Variants in RASGRP3 observed in about 807,000 individuals in gnomAD.
The protein encoded by RASGRP3 is RAS guanyl releasing protein 3.
RASGRP3 carries 54 observed loss-of-function variants against 82.7 expected under a neutral mutation model. The observed-to-expected ratio is 0.65, with a 90% CI of 0.52 to 0.82. The LOEUF is 0.82. Ranked by LOEUF, RASGRP3 falls within the 40% of genes least tolerant of loss-of-function variation. The pLI is 0.00. For synonymous variants in RASGRP3, 309 were observed against 300.5 expected (o/e 1.03, Z -0.29); for missense variants, 861 against 828.9 (o/e 1.04, Z -0.48).
intron 13 of RASGRP3, among the ~76,000 whole-genome samples, chr2:33,545,968 A>G (rs1674696359): frequency 6.7e-6 from 1 of 148,310 alleles, no homozygotes; most frequent in Non-Finnish European, 1.5e-5. Context: ...ACGCCAGGCA[A>G]TTTTTTTTTT....
intron 13 of RASGRP3, among the ~76,000 whole-genome samples, chr2:33,544,784 C>T (rs1674583093): frequency 1.3e-5 from 2 of 152,068 alleles, no homozygotes; most frequent in African/African-American, 4.8e-5. Flanking sequence ...TATTTGAAGA[C>T]AGGAGTTTGA....
intron 10 of RASGRP3, among the ~76,000 whole-genome samples, chr2:33,528,737 C>T (rs1672812896): frequency 6.6e-6 from 1 of 152,152 alleles, no homozygotes; most frequent in Non-Finnish European, 1.5e-5. Flanking sequence ...GGCAATAATG[C>T]AGCTATACCC....
At chr2:33,471,868 T>A (rs956366368), upstream of RASGRP3, among the ~76,000 whole-genome samples, 1 of 148,516 alleles carries the variant, frequency 6.7e-6, no homozygotes, top group Non-Finnish European at 1.5e-5. Flanking sequence ...ATTCTGTAAT[T>A]GTGTTTTTAA....
intron 14 of RASGRP3, among the ~76,000 whole-genome samples, chr2:33,551,899 A>G (rs1325354884): frequency 1.3e-5 from 2 of 152,176 alleles, no homozygotes; most frequent in East Asian, 3.8e-4. Flanking sequence ...AGGCTGAGGC[A>G]GGAGAATGGC....
intron 5 of RASGRP3, 60 bp downstream of exon 5, chr2:33,520,074 T>G: frequency 7.3e-7 from 1 of 1,363,452 alleles, no homozygotes; most frequent in South Asian, 1.3e-5. Context: ...GTGGACAATT[T>G]CCTTTTCCCC....
chr2:33,549,537 A>G lies in RASGRP3; in HGVS notation c.1395-67A>G, dbSNP rs556202272. 3.2e-4 allele frequency: 465 copies of G among 1,464,306 alleles called. 5 individuals carry two copies. The South Asian group carries it at 5.4e-3, about 17-fold the overall frequency. The allele number at this position is 1,464,306 out of a possible 1,614,324, so 90.7% of individuals were successfully genotyped here. ...ACAAAGGTTTGGGAGGTGGGTGATT[A>G]AAGTGTGGCAACTACTTAGCAACCT... On this transcript the variant is annotated intron_variant, in intron 13 of 17. Coordinates refer to ENST00000403687, the MANE Select transcript of RASGRP3 (RefSeq NM_001139488.2).
Position 33,519,961 on chromosome 2 carries a change from T to G in RASGRP3, c.183T>G (p.Asn61Lys). The change falls in exon 5 of 18, where the codon AAT becomes AAG. Residue 61 changes from asparagine (N) to lysine (K), a missense_variant. Transcript: ENST00000403687. ...TCTTTAACTGGTTTACGTATCGAAA[T>G]GCCACTGGAGAAAGCTGCAATGAAT... Reference protein sequence around the residue: ...LAEKLLCMYRNATGESCNEFR... With the variant: ...LAEKLLCMYRKATGESCNEFR... The G allele has an allele frequency of 6.2e-7, 1 of 1,609,982 alleles. No individual in the cohort carries two copies. Among genetic ancestry groups the G allele is most frequent in the Non-Finnish European group, 8.5e-7 (1 of 1,178,044 alleles).
At chr2:33,500,304 G>A (rs574413066) in intron 1 of RASGRP3, among the ~76,000 whole-genome samples, 2 of 152,072 alleles carry the variant, frequency 1.3e-5, no homozygotes, top group African/African-American at 4.8e-5. Flanking sequence ...CAGGAGTTCC[G>A]CAATCAATCT....
intron 1 of RASGRP3, among the ~76,000 whole-genome samples, chr2:33,479,127 C>A (rs536191614): frequency 2.5e-4 from 38 of 152,168 alleles, no homozygotes; most frequent in Non-Finnish European, 4.4e-4. Flanking sequence ...GAGAGTATTT[C>A]CAGCACAATA....
intron 10 of RASGRP3, 75 bp downstream of exon 10, chr2:33,527,487 G>A: frequency 2.2e-5 from 32 of 1,434,590 alleles, no homozygotes; most frequent in Non-Finnish European, 2.9e-5. Context: ...AGGAAGATGT[G>A]TGCCAGCAAT....
chr2:33,450,988 C>A (rs957973165), intron 2 of RASGRP3, among the ~76,000 whole-genome samples: 4 of 151,244 alleles, frequency 2.6e-5, no homozygotes, highest in African/African-American at 9.7e-5. Flanking sequence ...CAGGTGCCTG[C>A]CACCACGCCT....
intron 14 of RASGRP3, among the ~76,000 whole-genome samples, chr2:33,553,877 T>G (rs906921048): frequency 1.3e-5 from 2 of 152,186 alleles, no homozygotes; most frequent in South Asian, 2.1e-4. Flanking sequence ...TAGCTGGGAC[T>G]ATAGGCACAC....
intron 11 of RASGRP3, among the ~76,000 whole-genome samples, chr2:33,536,949 G>C (rs1188130546): frequency 1.3e-5 from 2 of 152,168 alleles, no homozygotes; most frequent in African/African-American, 4.8e-5. Flanking sequence ...GCTGTCCATG[G>C]ATGGCTAAGT....
rs573022728 is a variant in RASGRP3 at position 33,556,231 on chromosome 2, C to CTTTTT, written c.1579+687_1579+691dup. ...CAGTTTATATGGTTCTTCTAATAAT[C>CTTTTT]TTTTTTTTTTTTTTTTTTTTTTTTT... On this transcript the variant is annotated intron_variant, in intron 15 of 17. Coordinates refer to ENST00000403687, the MANE Select transcript of RASGRP3 (RefSeq NM_001139488.2). Among the ~76,000 whole-genome samples, 99 of 57,498 alleles carry CTTTTT rather than the reference C, an allele frequency of 1.7e-3. 17 individuals carry two copies. The highest frequency in any genetic ancestry group is 2.4e-3 in the Non-Finnish European group (84 of 35,342). 37.7% of individuals were successfully genotyped at this position (57,498 alleles called of 152,430 possible).
At chr2:33,476,398 G>A (rs1322122593), upstream of RASGRP3, 2 of 152,196 alleles carry the variant, frequency 1.3e-5, no homozygotes, top group East Asian at 1.9e-4. Flanking sequence ...CTGCCCTTCA[G>A]TGTGACTTAT....
Position 33,527,260 on chromosome 2 carries a change from G to T in RASGRP3, c.931G>T (p.Ala311Ser), listed in dbSNP as rs762437399. The T allele has an allele frequency of 2.5e-6, 4 of 1,614,014 alleles. No homozygotes were observed. In the South Asian group the frequency reaches 3.3e-5, roughly 13 times the overall value. The change falls in exon 10 of 18, where the codon GCT becomes TCT. Residue 311 changes from alanine to serine, a missense_variant. Ala to Ser is a moderately conservative substitution (Grantham distance 99, BLOSUM62 1). Coordinates refer to ENST00000403687, the MANE Select transcript of RASGRP3 (RefSeq NM_001139488.2). ...ILGVHLKDLI[A>S]VHVIFPDWTE... is the part of the protein sequence containing the mutation. ...TGGAGTACACTTGAAAGACTTGATA[G>T]CTGTCCATGTCATTTTCCCAGACTG... is the stretch of plus-strand genomic sequence containing the variant.
At chr2:33,440,435 G>A (rs1665164517) in intron 1 of RASGRP3, among the ~76,000 whole-genome samples, 1 of 152,140 alleles carries the variant, frequency 6.6e-6, no homozygotes, top group African/African-American at 2.4e-5. Context: ...ATGTGTAGGG[G>A]CCAAAGCCCT....
At chr2:33,561,068 C>CTT (rs929955364) in intron 17 of RASGRP3, among the ~76,000 whole-genome samples, 1 of 146,436 alleles carries the variant, frequency 6.8e-6, no homozygotes, top group Non-Finnish European at 1.5e-5. Context: ...TCTTTTCTTT[C>CTT]TTTTTTTTTT....
chr2:33,543,053 G>T (rs1489441656), intron 12 of RASGRP3, among the ~76,000 whole-genome samples: 1 of 151,932 alleles, frequency 6.6e-6, no homozygotes, highest in Admixed American at 6.6e-5. Context: ...TTACTCGTTT[G>T]CCCAGGCTAC....
Sources: allele counts gnomAD v4.1 joint callset (sites outside exome capture counted in the v4.1 genomes callset), GRCh38; gene constraint gnomAD v4.1.1; transcripts MANE v1.5; gene names NCBI Gene and HGNC (gene_info 2026-07-23, HGNC 2026-07-21).